Variants in CSMD1 observed in about 807,000 individuals in gnomAD.
The protein encoded by CSMD1 is CUB and sushi domain-containing protein 1.
CSMD1 carries 213 observed loss-of-function variants against 417.5 expected under a neutral mutation model. The ratio of observed to expected loss-of-function variants is 0.51; its 90% CI spans 0.46 to 0.57. The LOEUF (loss-of-function observed/expected upper bound fraction) is 0.57. Ranked by LOEUF, CSMD1 falls within the 20% of genes least tolerant of loss-of-function variation. The probability of loss-of-function intolerance (pLI) is 0.00; values close to 1 mark genes in which losing one functional copy is unlikely to be tolerated. For missense variants in CSMD1, 6,923 were observed against 4,529.7 expected (o/e 1.53, Z -15.17); for synonymous variants, 2,862 against 1,736.8 (o/e 1.65, Z -16.11).
At chr8:3,478,205 C>A (rs1372595338) in intron 11 of CSMD1, among the ~76,000 whole-genome samples, 1 of 152,178 alleles carries the variant, frequency 6.6e-6, no homozygotes, top group East Asian at 1.9e-4. Context: ...CAATCATTTA[C>A]AATCGCTATT....
chr8:2,943,430 G>A (rs554146136), intron 68 of CSMD1, among the ~76,000 whole-genome samples: 8 of 152,182 alleles, frequency 5.3e-5, no homozygotes, highest in Admixed American at 2.0e-4. Flanking sequence ...GTTTCACCAT[G>A]TTGGCCAGGC....
chr8:4,566,522 G>A (rs1051941638), intron 2 of CSMD1, among the ~76,000 whole-genome samples: 37 of 151,686 alleles, frequency 2.4e-4, no homozygotes, highest in Non-Finnish European at 3.7e-4. Context: ...GCGTGGTGGC[G>A]GGCGCCTGCA....
intron 5 of CSMD1, among the ~76,000 whole-genome samples, chr8:3,789,100 T>G (rs1236104395): frequency 6.6e-6 from 1 of 152,090 alleles, no homozygotes; most frequent in Non-Finnish European, 1.5e-5. Context: ...GGGGATTAGG[T>G]GGTACAGCCT....
At chr8:3,848,962 C>A (rs1281063921) in intron 5 of CSMD1, among the ~76,000 whole-genome samples, 1 of 150,830 alleles carries the variant, frequency 6.6e-6, no homozygotes, top group African/African-American at 2.4e-5. Context: ...TATACTATTG[C>A]AAAAATATAC....
intron 3 of CSMD1, among the ~76,000 whole-genome samples, chr8:4,164,743 G>C (rs867999417): frequency 4.6e-5 from 7 of 152,060 alleles, no homozygotes; most frequent in Admixed American, 1.3e-4. Flanking sequence ...AAAAAATACA[G>C]TTTGTGCCTG....
intron 11 of CSMD1, 171 bp from the exon 12 acceptor site, chr8:3,468,995 C>T (rs889170086): frequency 1.1e-5 from 5 of 466,996 alleles, no homozygotes; most frequent in African/African-American, 2.0e-5. Context: ...ATTCAAACAT[C>T]ACTATCACTG....
intron 8 of CSMD1, among the ~76,000 whole-genome samples, chr8:3,600,608 T>C (rs1801316366): frequency 1.3e-5 from 2 of 152,134 alleles, no homozygotes; most frequent in South Asian, 2.1e-4. Flanking sequence ...CAAGCAAGTA[T>C]TATTGCTGGT....
At chr8:3,208,338 C>G (rs1212664759) in intron 30 of CSMD1, among the ~76,000 whole-genome samples, 3 of 152,154 alleles carry the variant, frequency 2.0e-5, no homozygotes, top group Non-Finnish European at 4.4e-5. Context: ...GTGATGTCAG[C>G]TCACTGCAAC....
At chr8:4,882,559 C>A (rs1281012543) in intron 1 of CSMD1, among the ~76,000 whole-genome samples, 2 of 151,662 alleles carry the variant, frequency 1.3e-5, no homozygotes, top group African/African-American at 4.9e-5. Flanking sequence ...GCTGAGGCAA[C>A]CCCACTTTCC....
chr8:3,036,973 C>T (rs1415578015), intron 50 of CSMD1, among the ~76,000 whole-genome samples: 1 of 152,138 alleles, frequency 6.6e-6, no homozygotes, highest in Non-Finnish European at 1.5e-5. Context: ...CACCCATCTT[C>T]CTATCTATCA....
At chr8:4,220,360 C>G (rs1459165711) in intron 3 of CSMD1, among the ~76,000 whole-genome samples, 1 of 152,146 alleles carries the variant, frequency 6.6e-6, no homozygotes, top group Non-Finnish European at 1.5e-5. Context: ...GGAAAGAGGA[C>G]CACACCATGA....
intron 5 of CSMD1, among the ~76,000 whole-genome samples, chr8:3,966,450 T>A (rs999205547): frequency 1.9e-4 from 29 of 152,098 alleles, no homozygotes; most frequent in Admixed American, 3.3e-4. Context: ...CTACATATAT[T>A]TTTTATAGAT....
chr8:4,815,058 A>C (rs17348162), intron 1 of CSMD1, among the ~76,000 whole-genome samples: 9,281 of 152,188 alleles, frequency 0.061, 321 homozygotes, highest in Non-Finnish European at 0.071. Context: ...ACTTGACTGG[A>C]GGAAATTAGG....
chr8:4,567,163 C>T (rs1413627974), intron 2 of CSMD1, among the ~76,000 whole-genome samples: 3 of 152,118 alleles, frequency 2.0e-5, no homozygotes. Flanking sequence ...TGAATGTTTA[C>T]AACATTACTT....
intron 2 of CSMD1, among the ~76,000 whole-genome samples, chr8:4,583,757 T>C (rs979722311): frequency 2.0e-5 from 3 of 149,322 alleles, no homozygotes; most frequent in African/African-American, 7.7e-5. Context: ...CTGGGCTCTA[T>C]CAATCAGCAG....
chr8:4,079,074 C>T (rs1799987712), intron 3 of CSMD1, among the ~76,000 whole-genome samples: 1 of 151,724 alleles, frequency 6.6e-6, no homozygotes, highest in Non-Finnish European at 1.5e-5. Flanking sequence ...GGAACTTATA[C>T]AGCTCATTAC....
chr8:3,562,291 T>C (rs559322770), intron 10 of CSMD1, among the ~76,000 whole-genome samples: 1 of 152,072 alleles, frequency 6.6e-6, no homozygotes, highest in Non-Finnish European at 1.5e-5. Context: ...ATGAGAGAGT[T>C]TTAGAATCTA....
chr8:4,341,667 A>C (rs941086303), intron 3 of CSMD1, among the ~76,000 whole-genome samples: 1 of 152,176 alleles, frequency 6.6e-6, no homozygotes, highest in African/African-American at 2.4e-5. Flanking sequence ...AGCATCTTTC[A>C]GCAAAGCGAC....
Position 4,644,801 on chromosome 8 carries a change from T to C in CSMD1, c.86-7243A>G, listed in dbSNP as rs533679947. ...TTGATGATCTCTTTCTACACTAAAA[T>C]GTAAACCTTCCAAGAGTGAAGATAA... On this transcript the variant is annotated intron_variant, in intron 1 of 69. Coordinates refer to ENST00000635120, the MANE Select transcript of CSMD1 (RefSeq NM_033225.6). 1.1e-4 allele frequency among the ~76,000 whole-genome samples: 17 copies of C among 152,374 alleles called. No individual in the cohort carries two copies. The South Asian group carries it at 3.3e-3, about 30-fold the overall frequency.
Sources: allele counts gnomAD v4.1 joint callset (sites outside exome capture counted in the v4.1 genomes callset), GRCh38; gene constraint gnomAD v4.1.1; transcripts MANE v1.5; gene names NCBI Gene and HGNC (gene_info 2026-07-23, HGNC 2026-07-21).